The following SLIT3 variants were observed in gnomAD, a reference collection of about 807,000 sequenced individuals.
SLIT3 encodes the protein slit guidance ligand 3.
SLIT3 carries 68 observed loss-of-function variants against 184.0 expected under a neutral mutation model. That is an observed-to-expected ratio of 0.37 (90% CI 0.30 to 0.45). SLIT3 has a LOEUF of 0.45. Among genes scored for constraint, SLIT3 ranks in the 20% least tolerant of loss-of-function variants. The pLI is 1.00. For missense variants in SLIT3, 1,707 were observed against 2,026.0 expected, an observed-to-expected ratio of 0.84 and a Z score of 3.02; for synonymous variants, 831 against 828.6, an observed-to-expected ratio of 1.00 and a Z score of -0.05.
intron 4 of SLIT3, among the ~76,000 whole-genome samples, chr5:168,922,564 A>C (rs1422420225): frequency 1.3e-5 from 2 of 152,112 alleles, no homozygotes; most frequent in Non-Finnish European, 2.9e-5. Context: ...ACCAAGATTA[A>C]GGAGTCTGCA....
At chr5:168,798,955 G>T (rs1756671809) in intron 9 of SLIT3, among the ~76,000 whole-genome samples, 1 of 152,154 alleles carries the variant, frequency 6.6e-6, no homozygotes. Flanking sequence ...GTTGAGCTGG[G>T]TCTCAAAGCC....
chr5:168,924,176 T>C (rs899455847), intron 4 of SLIT3, among the ~76,000 whole-genome samples: 6 of 152,206 alleles, frequency 3.9e-5, no homozygotes, highest in East Asian at 3.8e-4. Context: ...ATTTCAGTCA[T>C]GGTGGCAGAC....
rs569512225 is a variant in SLIT3, at chr5:169,002,924, C to T, written c.414-119588G>A. 3.9e-5 allele frequency among the ~76,000 whole-genome samples: 6 copies of T among 152,282 alleles called. No homozygotes were observed. In the South Asian group the frequency reaches 1.0e-3, roughly 26 times the overall value. On this transcript the variant is annotated intron_variant, in intron 4 of 35. Transcript: ENST00000519560. ...TATATTAGTTACATATAGGTTTTAA[C>T]TGTATGAAAACAAGTATATGCCTAG...
Position 168,751,637 on chromosome 5 carries a change from C to T in SLIT3, c.1973+1318G>A, listed in dbSNP as rs773732270. On this transcript the variant is annotated intron_variant, in intron 18 of 35. Transcript: ENST00000519560. ...CACAGAGGCTCCCTTCCCACGACAG[C>T]GCACTACCCGGGCAGGAGCACTCCT... 3.3e-5 allele frequency among the ~76,000 whole-genome samples: 5 copies of T among 152,168 alleles called. No individual in the cohort carries two copies. In the East Asian group the frequency reaches 7.7e-4, roughly 23 times the overall value.
chr5:168,959,672 T>C (rs1357337592), intron 4 of SLIT3, among the ~76,000 whole-genome samples: 1 of 152,068 alleles, frequency 6.6e-6, no homozygotes, highest in Admixed American at 6.5e-5. Flanking sequence ...GAAGAGGGCG[T>C]CTGGAGCTTG....
intron 1 of SLIT3, among the ~76,000 whole-genome samples, chr5:169,273,985 C>T (rs1766717978): frequency 6.6e-6 from 1 of 152,158 alleles, no homozygotes; most frequent in South Asian, 2.1e-4. Flanking sequence ...AGGCACTGTA[C>T]AATACTAGGG....
At position 169,300,830 on chromosome 5, in the gene SLIT3, A is replaced by G; in HGVS notation, c.-121T>C. ...GCGGGCGGCGGAGTTAGCGCGGAGG[A>G]GGGGCGAGCTCGGTGCTCAGGCGCA... On this transcript the variant is annotated 5_prime_UTR_variant, in exon 1 of 36. Coordinates refer to ENST00000519560, the MANE Select transcript of SLIT3 (RefSeq NM_003062.4). This position sits in a 1 kb window ranked among gnomAD's most constrained non-coding sequence, Gnocchi z 4.1. 9.5e-7 allele frequency: 1 copy of G among 1,048,620 alleles called. No individual in the cohort carries two copies. Among genetic ancestry groups the G allele is most frequent in the Non-Finnish European group, 1.2e-6 (1 of 828,562 alleles). The allele number at this position is 1,048,620 out of a possible 1,614,324, so 65.0% of individuals were successfully genotyped here.
intron 6 of SLIT3, among the ~76,000 whole-genome samples, chr5:168,832,847 C>T (rs1485169373): frequency 6.6e-6 from 1 of 152,132 alleles, no homozygotes; most frequent in Non-Finnish European, 1.5e-5. Flanking sequence ...AAATGAAACA[C>T]CTGGGGGCTG....
chr5:169,104,366 G>A (rs1000663830), intron 4 of SLIT3, among the ~76,000 whole-genome samples: 1 of 152,170 alleles, frequency 6.6e-6, no homozygotes, highest in African/African-American at 2.4e-5. Context: ...GGAAGCGTAC[G>A]CTCAGCTCAA....
chr5:169,127,689 T>C (rs112712568), intron 4 of SLIT3, among the ~76,000 whole-genome samples: 45 of 152,340 alleles, frequency 3.0e-4, no homozygotes, highest in Non-Finnish European at 5.7e-4. Context: ...CATCTGGCAC[T>C]GTACCTGACA....
At chr5:169,131,880 A>C (rs949858118) in intron 4 of SLIT3, among the ~76,000 whole-genome samples, 2 of 152,326 alleles carry the variant, frequency 1.3e-5, no homozygotes, top group Non-Finnish European at 2.9e-5. Flanking sequence ...TTAGCTTCTT[A>C]AATATCAAAC....
intron 4 of SLIT3, among the ~76,000 whole-genome samples, chr5:169,149,267 C>T (rs297831): frequency 3.3e-5 from 5 of 151,126 alleles, no homozygotes; most frequent in South Asian, 4.2e-4. Context: ...GATTGTTTGG[C>T]GGTAAAATTA....
intron 1 of SLIT3, among the ~76,000 whole-genome samples, chr5:169,257,390 C>T (rs954425382): frequency 6.7e-5 from 10 of 149,016 alleles, no homozygotes; most frequent in Admixed American, 4.0e-4. Flanking sequence ...CCCGCCCCCA[C>T]CCCGCCCCAC....
chr5:169,119,150 T>C (rs1052717434), intron 4 of SLIT3, among the ~76,000 whole-genome samples: 1 of 152,188 alleles, frequency 6.6e-6, no homozygotes, highest in African/African-American at 2.4e-5. Flanking sequence ...AGCTGATACA[T>C]ATGGAAGTCA....
In SLIT3 at chr5:168,817,302, G is replaced by T; in HGVS notation, c.791C>A (p.Pro264Gln). ...GAGAGCAGGTAAAGCATCCTCACCT[G>T]GGCACACGTACTCCTTCTTCTGCAC... ...ADVQKKEYVC[P>Q]APHSEPPSCN... The change falls in exon 8 of 36, where the codon CCA becomes CAA. Residue 264 changes from proline to glutamine, a missense_variant and splice_region_variant. This residue lies in a region of SLIT3 where 1,307 missense variants were observed against 1,511.6 expected (regional missense o/e 0.86). Transcript: ENST00000519560. 6.2e-7 allele frequency: 1 copy of T among 1,614,036 alleles called. No individual in the cohort carries two copies. The highest frequency in any genetic ancestry group is 8.5e-7 in the Non-Finnish European group (1 of 1,179,942).
chr5:169,209,862 G>A (rs1393044877), intron 3 of SLIT3, among the ~76,000 whole-genome samples: 1 of 152,110 alleles, frequency 6.6e-6, no homozygotes, highest in Non-Finnish European at 1.5e-5. Context: ...GTTTGACGGG[G>A]TGCAGCAAAC....
intron 6 of SLIT3, among the ~76,000 whole-genome samples, chr5:168,824,226 A>G (rs1333172914): frequency 6.6e-6 from 1 of 152,204 alleles, no homozygotes; most frequent in Non-Finnish European, 1.5e-5. Flanking sequence ...GGTGTGAGCC[A>G]CTGTGTCAGC....
At position 169,300,504 on chromosome 5, in the gene SLIT3, G is replaced by A. The variant is rs1052380350; in HGVS notation, c.197+9C>T. On this transcript the variant is annotated intron_variant, in intron 1 of 35. Transcript: ENST00000519560. This position sits in a 1 kb window ranked among gnomAD's most constrained non-coding sequence, Gnocchi z 4.1. ...GGTGGCCCGCGTGGGGTGGGGCAGG[G>A]GTACTCACAGGCGCTCAGCGTTGCG... 7 of 1,490,506 alleles carry A rather than the reference G, an allele frequency of 4.7e-6. No individual in the cohort carries two copies. In the African/African-American group the frequency reaches 7.2e-5, roughly 15 times the overall value. The allele number at this position is 1,490,506 out of a possible 1,614,324, so 92.3% of individuals were successfully genotyped here. A position where few individuals can be genotyped will look rare whatever the true frequency, so the allele number is the denominator to read the frequency against.
chr5:169,226,831 C>T (rs1224671687), intron 3 of SLIT3, among the ~76,000 whole-genome samples: 1 of 152,172 alleles, frequency 6.6e-6, no homozygotes, highest in African/African-American at 2.4e-5. Flanking sequence ...TTGCTAGAAT[C>T]GTGGCCTAGA....
Sources: gnomAD v4.1 joint callset for allele counts (sites outside exome capture counted in the v4.1 genomes callset) on GRCh38, gnomAD v4.1.1 for gene constraint, gnomAD v4.1.1 regional missense constraint, Gnocchi (gnomAD v3.1) non-coding constraint, MANE v1.5 for transcripts, NCBI Gene and HGNC (gene_info 2026-07-23, HGNC 2026-07-21) for gene names.